PLEK2: variants seen among roughly 807,000 people sequenced by gnomAD.
PLEK2 encodes pleckstrin-2.
In PLEK2, 29 loss-of-function variants were observed where a neutral mutation model predicts 43.8. The observed-to-expected ratio is 0.66, with a 90% CI of 0.49 to 0.90. PLEK2 has a LOEUF of 0.90. Ranked by LOEUF, PLEK2 falls within the 40% of genes least tolerant of loss-of-function variation. The pLI, the probability that PLEK2 is intolerant of heterozygous loss-of-function variation, is 0.00. For missense variants in PLEK2, 398 were observed against 448.1 expected (o/e 0.89, Z 1.01); for synonymous variants, 162 against 173.2 (o/e 0.94, Z 0.51).
At chr14:67,404,756 G>A (rs72719133) in intron 1 of PLEK2, among the ~76,000 whole-genome samples, 2,793 of 152,084 alleles carry the variant, frequency 0.018, 43 homozygotes, top group East Asian at 0.061. Context: ...GCTGCAGTAA[G>A]CTATGATCAC....
At chr14:67,404,665 T>G (rs1445326044) in intron 1 of PLEK2, among the ~76,000 whole-genome samples, 1 of 151,362 alleles carries the variant, frequency 6.6e-6, no homozygotes, top group Non-Finnish European at 1.5e-5. Context: ...AAAAAATTAG[T>G]CAGGTGTGGT....
At chr14:67,398,899 A>G (rs2139868609) in intron 1 of PLEK2, among the ~76,000 whole-genome samples, 1 of 152,300 alleles carries the variant, frequency 6.6e-6, no homozygotes, top group South Asian at 2.1e-4. Flanking sequence ...TTCTCATACC[A>G]TTAAATTTCT....
At chr14:67,406,633 A>T (rs1300962112) in intron 1 of PLEK2, among the ~76,000 whole-genome samples, 2 of 152,216 alleles carry the variant, frequency 1.3e-5, no homozygotes, top group Non-Finnish European at 2.9e-5. Flanking sequence ...TTACGTTCTC[A>T]TGTTAAACCT....
At chr14:67,398,471 T>G (rs554183413) in intron 1 of PLEK2, among the ~76,000 whole-genome samples, 1 of 152,018 alleles carries the variant, frequency 6.6e-6, no homozygotes, top group Non-Finnish European at 1.5e-5. Context: ...CCACCTAAAC[T>G]ACCCTTCTCT....
intron 8 of PLEK2, among the ~76,000 whole-genome samples, chr14:67,387,882 G>A (rs997801245): frequency 5.9e-5 from 9 of 152,122 alleles, no homozygotes; most frequent in African/African-American, 2.2e-4. Flanking sequence ...TACTATGGCT[G>A]GCTATTGTGA....
intron 2 of PLEK2, among the ~76,000 whole-genome samples, chr14:67,396,295 C>T (rs1329194598): frequency 6.6e-6 from 1 of 151,584 alleles, no homozygotes; most frequent in Non-Finnish European, 1.5e-5. Context: ...CTACAGACGC[C>T]CACCACCCCG....
intron 1 of PLEK2, among the ~76,000 whole-genome samples, chr14:67,411,047 T>C (rs1485998853): frequency 6.9e-6 from 1 of 145,136 alleles, no homozygotes; most frequent in Admixed American, 7.3e-5. Flanking sequence ...CTAGGGAAGC[T>C]GAGGTGAGAG....
At chr14:67,388,498 G>A (rs1309567374) in intron 7 of PLEK2, among the ~76,000 whole-genome samples, 196 bp from the exon 8 acceptor site, 1 of 152,140 alleles carries the variant, frequency 6.6e-6, no homozygotes, top group Non-Finnish European at 1.5e-5. Context: ...TTCACAGCCA[G>A]CAGCAGTAGT....
At chr14:67,393,729 C>T (rs576307250) in intron 3 of PLEK2, among the ~76,000 whole-genome samples, 7 of 152,266 alleles carry the variant, frequency 4.6e-5, no homozygotes, top group Admixed American at 1.3e-4. Context: ...ACTGGGATTA[C>T]AGGTGTGAGC....
intron 1 of PLEK2, among the ~76,000 whole-genome samples, chr14:67,402,305 A>G (rs1284634189): frequency 3.3e-5 from 5 of 152,212 alleles, no homozygotes; most frequent in Non-Finnish European, 7.3e-5. Context: ...GTGGGTACAT[A>G]ATAAGTATAT....
intron 1 of PLEK2, among the ~76,000 whole-genome samples, chr14:67,398,555 C>T (rs999241588): frequency 7.2e-6 from 1 of 138,128 alleles, no homozygotes; most frequent in Non-Finnish European, 1.5e-5. Flanking sequence ...CTAAACTACC[C>T]TTCTCTTTAT....
Position 67,397,818 on chromosome 14 carries a change from A to C in PLEK2, c.51T>G (p.Ile17Met), listed in dbSNP as rs906373639. ...KEGFLVKRGHIVHNWKARWFI... is the reference protein window; with the variant it reads ...KEGFLVKRGHMVHNWKARWFI... The stretch of plus-strand genomic sequence containing the variant: ...ACCATCGCGCCTTCCAGTTGTGGAC[A>C]ATGTGGCCCTATGGACAGACAAGAA... Residue 17 changes from isoleucine (I) to methionine (M), a missense_variant, in exon 2 of 9, where the codon ATT becomes ATG. Transcript: ENST00000216446. 2 of 1,610,076 alleles carry C rather than the reference A, an allele frequency of 1.2e-6. No homozygotes were observed. The highest frequency in any genetic ancestry group is 8.5e-7 in the Non-Finnish European group (1 of 1,178,128).
intron 1 of PLEK2, among the ~76,000 whole-genome samples, chr14:67,407,706 G>A (rs1192107837): frequency 1.3e-5 from 2 of 151,920 alleles, no homozygotes; most frequent in African/African-American, 4.8e-5. Context: ...CTCCCACATT[G>A]TTGGAATTTA....
At chr14:67,409,839 G>A (rs1366505520) in intron 1 of PLEK2, among the ~76,000 whole-genome samples, 1 of 152,152 alleles carries the variant, frequency 6.6e-6, no homozygotes, top group Non-Finnish European at 1.5e-5. Flanking sequence ...CTTCTCCAGT[G>A]GACATAGGGA....
intron 3 of PLEK2, among the ~76,000 whole-genome samples, chr14:67,393,599 A>G (rs1354557523): frequency 6.6e-6 from 1 of 151,982 alleles, no homozygotes; most frequent in Non-Finnish European, 1.5e-5. Context: ...GATTACAGAC[A>G]TTTGCCACCA....
At chr14:67,390,581 G>A in intron 7 of PLEK2, 82 bp downstream of exon 7, 1 of 998,950 alleles carries the variant, frequency 1.0e-6, no homozygotes. Flanking sequence ...AGGATATCCA[G>A]CCAGCTGCCC....
At chr14:67,392,237 C>G (rs751350594) in intron 6 of PLEK2, 89 bp downstream of exon 6, 39 of 898,504 alleles carry the variant, frequency 4.3e-5, no homozygotes, top group Non-Finnish European at 6.7e-5. Flanking sequence ...CCTCCAGCAG[C>G]CTCAGCCCTT....
intron 3 of PLEK2, among the ~76,000 whole-genome samples, chr14:67,393,810 C>A (rs1028504374): frequency 6.6e-6 from 1 of 152,128 alleles, no homozygotes; most frequent in African/African-American, 2.4e-5. Flanking sequence ...CGGCTCACCC[C>A]TCATAAAGAT....
intron 1 of PLEK2, among the ~76,000 whole-genome samples, chr14:67,409,961 G>A (rs1422175536): frequency 6.6e-6 from 1 of 152,130 alleles, no homozygotes; most frequent in African/African-American, 2.4e-5. Context: ...AGCCTGCAGG[G>A]AGGGGTGTGA....
Sources: gnomAD v4.1 joint callset for allele counts (sites outside exome capture counted in the v4.1 genomes callset) on GRCh38, gnomAD v4.1.1 for gene constraint, MANE v1.5 for transcripts, NCBI Gene and HGNC (gene_info 2026-07-23, HGNC 2026-07-21) for gene names.